The following DCC variants were observed in gnomAD, a reference collection of about 807,000 sequenced individuals.
DCC encodes the protein netrin receptor DCC.
A neutral mutation model predicts 172.5 loss-of-function variants in DCC; 58 were observed. The ratio of observed to expected loss-of-function variants is 0.34; its 90% CI spans 0.27 to 0.42. The LOEUF (loss-of-function observed/expected upper bound fraction) is 0.42, where lower values mean the gene tolerates loss of function less well. Among genes scored for constraint, DCC ranks in the 10% least tolerant of loss-of-function variants. The pLI, the probability that DCC is intolerant of heterozygous loss-of-function variation, is 1.00. For missense variants in DCC, 1,740 were observed against 1,791.0 expected, an observed-to-expected ratio of 0.97 and a Z score of 0.51; for synonymous variants, 709 against 644.5, an observed-to-expected ratio of 1.10 and a Z score of -1.52.
intron 1 of DCC, among the ~76,000 whole-genome samples, chr18:52,607,494 A>G (rs1337005637): frequency 2.0e-5 from 3 of 152,130 alleles, no homozygotes; most frequent in African/African-American, 7.2e-5. Context: ...TTGGCAATAA[A>G]AATGCTATCT....
intron 7 of DCC, among the ~76,000 whole-genome samples, chr18:53,071,116 C>T (rs113920559): frequency 2.0e-5 from 3 of 152,172 alleles, no homozygotes; most frequent in East Asian, 1.9e-4. Context: ...ATCTGCTTCT[C>T]GCTGGAGTAC....
chr18:53,271,303 T>A (rs931702158), intron 12 of DCC, among the ~76,000 whole-genome samples: 1 of 152,146 alleles, frequency 6.6e-6, no homozygotes, highest in South Asian at 2.1e-4. Context: ...GGAAGCAATA[T>A]GTAATACTTA....
chr18:53,101,195 C>A (rs9961246), intron 7 of DCC, among the ~76,000 whole-genome samples: 14,439 of 152,086 alleles, frequency 0.095, 1,100 homozygotes, highest in East Asian at 0.36. Flanking sequence ...GGCCCAAGGT[C>A]GATTGTGAAC....
intron 5 of DCC, among the ~76,000 whole-genome samples, chr18:53,027,416 A>G (rs1308268884): frequency 1.3e-5 from 2 of 152,166 alleles, no homozygotes; most frequent in Non-Finnish European, 2.9e-5. Flanking sequence ...ATAGTTCATC[A>G]CAGTTTATAA....
At chr18:53,241,553 C>T (rs961162219) in intron 12 of DCC, among the ~76,000 whole-genome samples, 1 of 152,110 alleles carries the variant, frequency 6.6e-6, no homozygotes, top group African/African-American at 2.4e-5. Context: ...GAAATTACTG[C>T]ACACTGAGAG....
intron 1 of DCC, among the ~76,000 whole-genome samples, chr18:52,369,543 C>T (rs1023762065): frequency 2.0e-5 from 3 of 151,952 alleles, no homozygotes; most frequent in Non-Finnish European, 4.4e-5. Flanking sequence ...GATGTTACAA[C>T]GATGTCACCA....
intron 1 of DCC, among the ~76,000 whole-genome samples, chr18:52,715,538 C>T (rs759301353): frequency 5.9e-5 from 9 of 152,110 alleles, no homozygotes; most frequent in Non-Finnish European, 1.2e-4. Context: ...CTCCTTACCT[C>T]AAGTCATCTG....
At chr18:52,394,152 A>G (rs1459729413) in intron 1 of DCC, among the ~76,000 whole-genome samples, 1 of 152,106 alleles carries the variant, frequency 6.6e-6, no homozygotes, top group Non-Finnish European at 1.5e-5. Flanking sequence ...CTTGGTCCAA[A>G]TAGATCTCAA....
intron 1 of DCC, among the ~76,000 whole-genome samples, chr18:52,393,166 A>G (rs1157895536): frequency 6.6e-6 from 1 of 152,094 alleles, no homozygotes; most frequent in Admixed American, 6.6e-5. Flanking sequence ...TGGTTCAGTC[A>G]TTTTCATTCT....
intron 1 of DCC, among the ~76,000 whole-genome samples, chr18:52,404,489 T>C (rs1337811138): frequency 6.6e-6 from 1 of 152,000 alleles, no homozygotes; most frequent in East Asian, 1.9e-4. Flanking sequence ...TGAGTTTATA[T>C]TGCATAACTG....
intron 5 of DCC, among the ~76,000 whole-genome samples, chr18:53,062,316 A>T (rs924714112): frequency 1.3e-4 from 20 of 152,108 alleles, no homozygotes; most frequent in African/African-American, 4.8e-4. Context: ...AAAATACAGC[A>T]GCTACTTAGG....
intron 23 of DCC, among the ~76,000 whole-genome samples, chr18:53,450,963 G>A (rs1184136121): frequency 1.3e-5 from 2 of 152,140 alleles, no homozygotes; most frequent in East Asian, 3.9e-4. Context: ...CTAGAGAATA[G>A]ACTCCACCAT....
chr18:52,540,164 A>G (rs994782128), intron 1 of DCC, among the ~76,000 whole-genome samples: 1 of 152,250 alleles, frequency 6.6e-6, no homozygotes, highest in African/African-American at 2.4e-5. Context: ...GGCCTGGAGC[A>G]GTGTCTTATG....
intron 1 of DCC, among the ~76,000 whole-genome samples, chr18:52,622,556 A>G (rs2034499705): frequency 6.6e-6 from 1 of 152,110 alleles, no homozygotes; most frequent in Non-Finnish European, 1.5e-5. Context: ...TTCATTCAGG[A>G]CCTTCTCTTT....
At chr18:53,349,321 G>A (rs1305512676) in intron 15 of DCC, among the ~76,000 whole-genome samples, 6 of 152,118 alleles carry the variant, frequency 3.9e-5, no homozygotes, top group Admixed American at 3.9e-4. Flanking sequence ...ACCTCAGCCT[G>A]GACTTTATTG....
intron 5 of DCC, among the ~76,000 whole-genome samples, chr18:52,928,987 A>G (rs181261823): frequency 4.6e-5 from 7 of 152,086 alleles, no homozygotes; most frequent in Admixed American, 4.6e-4. Context: ...AGGTGAAAGG[A>G]GTCTCTTCAA....
intron 9 of DCC, among the ~76,000 whole-genome samples, chr18:53,204,410 G>T (rs535055658): frequency 6.6e-6 from 1 of 152,156 alleles, no homozygotes; most frequent in African/African-American, 2.4e-5. Context: ...AACTGGTCAT[G>T]ATGGTGCATG....
chr18:52,881,021 TTTA>T (rs2145404316), intron 2 of DCC, among the ~76,000 whole-genome samples: 1 of 152,208 alleles, frequency 6.6e-6, no homozygotes, highest in African/African-American at 2.4e-5. Flanking sequence ...CTCCAGCATT[TTTA>T]TTACCTGTCT....
At chr18:53,255,228 A>G (rs1272857520) in intron 12 of DCC, among the ~76,000 whole-genome samples, 2 of 150,784 alleles carry the variant, frequency 1.3e-5, no homozygotes, top group African/African-American at 4.9e-5. Context: ...TTCTATTATT[A>G]TTATACTTTA....
Sources: gnomAD v4.1 joint callset for allele counts (sites outside exome capture counted in the v4.1 genomes callset) on GRCh38, gnomAD v4.1.1 for gene constraint, MANE v1.5 for transcripts, NCBI Gene and HGNC (gene_info 2026-07-23, HGNC 2026-07-21) for gene names.